Variants in NRXN3 observed in about 807,000 individuals in gnomAD.
NRXN3 encodes neurexin 3.
NRXN3 carries 32 observed loss-of-function variants against 137.6 expected under a neutral mutation model. That is an observed-to-expected ratio of 0.23 (90% CI 0.18 to 0.31). NRXN3 has a LOEUF of 0.31. NRXN3 is among the 10% of genes least tolerant of loss of function. The pLI is 1.00. For synonymous variants in NRXN3, 798 were observed against 784.5 expected (o/e 1.02, Z -0.29); for missense variants, 1,574 against 2,062.5 (o/e 0.76, Z 4.59).
chr14:78,768,616 TA>T (rs925118676), intron 8 of NRXN3, among the ~76,000 whole-genome samples: 3 of 152,188 alleles, frequency 2.0e-5, no homozygotes, highest in Non-Finnish European at 2.9e-5. Flanking sequence ...CATAAGTAGA[TA>T]AAAATATGTG....
chr14:79,518,152 G>C (rs142379739), intron 16 of NRXN3, among the ~76,000 whole-genome samples: 1 of 151,728 alleles, frequency 6.6e-6, no homozygotes, highest in African/African-American at 2.4e-5. Flanking sequence ...TGATCCACCC[G>C]CTTCAGCCTC....
intron 15 of NRXN3, among the ~76,000 whole-genome samples, chr14:79,194,057 T>C (rs1268420599): frequency 6.6e-6 from 1 of 152,226 alleles, no homozygotes; most frequent in African/African-American, 2.4e-5. Flanking sequence ...TTTAGTCTAA[T>C]GTAATTAGCG....
intron 4 of NRXN3, among the ~76,000 whole-genome samples, chr14:78,607,971 T>A (rs1342566884): frequency 1.3e-5 from 2 of 152,170 alleles, no homozygotes; most frequent in Admixed American, 1.3e-4. Context: ...CTTGAGAAGT[T>A]GGTTAGTGTG....
At position 78,968,349 on chromosome 14, in the gene NRXN3, A is replaced by AC; in HGVS notation, c.3142+4dup. On this transcript the variant is annotated splice_donor_region_variant and intron_variant, in intron 14 of 20. Coordinates refer to ENST00000335750, the MANE Select transcript of NRXN3 (RefSeq NM_001330195.2). The stretch of plus-strand genomic sequence containing the variant: ...ACAGATCGAGCGTGGCTGTGAAGGT[A>AC]CAACCTATTTTTTTCTTGTTAAGCT... The AC allele has an allele frequency of 6.2e-7, 1 of 1,612,010 alleles. No individual in the cohort carries two copies. The highest frequency in any genetic ancestry group is 8.5e-7 in the Non-Finnish European group (1 of 1,178,528).
intron 9 of NRXN3, among the ~76,000 whole-genome samples, chr14:78,807,240 G>A (rs1469113815): frequency 6.6e-6 from 1 of 152,192 alleles, no homozygotes; most frequent in African/African-American, 2.4e-5. Flanking sequence ...ATCCTTAGCA[G>A]AGTGCCAGGA....
chr14:79,044,750 C>A (rs1476817040), intron 15 of NRXN3, among the ~76,000 whole-genome samples: 1 of 151,840 alleles, frequency 6.6e-6, no homozygotes, highest in Non-Finnish European at 1.5e-5. Flanking sequence ...GTACAACCTG[C>A]ATCGTCTAAT....
chr14:78,926,586 T>A (rs551658463), intron 10 of NRXN3, among the ~76,000 whole-genome samples: 1 of 114,396 alleles, frequency 8.7e-6, no homozygotes, highest in East Asian at 2.2e-4. Flanking sequence ...AAAAATAAAA[T>A]AAAATACAAA....
At chr14:78,590,959 G>A (rs1180171534) in intron 4 of NRXN3, among the ~76,000 whole-genome samples, 1 of 152,112 alleles carries the variant, frequency 6.6e-6, no homozygotes, top group Non-Finnish European at 1.5e-5. Flanking sequence ...TTAACAACAG[G>A]AGATGGAACA....
intron 6 of NRXN3, among the ~76,000 whole-genome samples, chr14:78,653,113 T>C (rs2097759661): frequency 6.6e-6 from 1 of 152,210 alleles, no homozygotes; most frequent in African/African-American, 2.4e-5. Context: ...TGTATTGTTC[T>C]CAGCCTGTAG....
At chr14:79,355,252 C>T (rs12896073) in intron 15 of NRXN3, among the ~76,000 whole-genome samples, 59,119 of 144,214 alleles carry the variant, frequency 0.41, 12,813 homozygotes, top group Admixed American at 0.5. Context: ...CTTTTCTGTC[C>T]CCCACCCCCT....
At chr14:79,744,206 C>T (rs1180322748) in intron 19 of NRXN3, among the ~76,000 whole-genome samples, 3 of 152,078 alleles carry the variant, frequency 2.0e-5, no homozygotes, top group Non-Finnish European at 4.4e-5. Flanking sequence ...TTCAATATGT[C>T]GTGAACAAGG....
At chr14:78,984,965 C>G (rs924472435) in intron 14 of NRXN3, among the ~76,000 whole-genome samples, 3 of 152,184 alleles carry the variant, frequency 2.0e-5, no homozygotes, top group African/African-American at 4.8e-5. Flanking sequence ...AGTGACAATA[C>G]TGTTGTTCTT....
At chr14:79,408,541 G>T (rs1216983450) in intron 15 of NRXN3, among the ~76,000 whole-genome samples, 1 of 152,146 alleles carries the variant, frequency 6.6e-6, no homozygotes, top group African/African-American at 2.4e-5. Flanking sequence ...TTATTATTCT[G>T]TATCCCTCAT....
rs573935018 is a variant in NRXN3, at chr14:78,765,906, T to G, written c.2045-37714T>G. Among the ~76,000 whole-genome samples, 5 of 152,298 alleles carry G rather than the reference T, an allele frequency of 3.3e-5. No homozygotes were observed. In the South Asian group the frequency reaches 1.0e-3, roughly 32 times the overall value. On this transcript the variant is annotated intron_variant, in intron 8 of 20. Transcript: ENST00000335750. Reference sequence around the variant, plus strand: ...ATTTGCATTGCTAGTTGAGGTGTTCTTTGAGCTTCTCAGTGGTTATGACAA... The same window carrying G: ...ATTTGCATTGCTAGTTGAGGTGTTCGTTGAGCTTCTCAGTGGTTATGACAA...
At chr14:79,122,329 T>C (rs1165498223) in intron 15 of NRXN3, among the ~76,000 whole-genome samples, 5 of 152,164 alleles carry the variant, frequency 3.3e-5, no homozygotes, top group African/African-American at 1.2e-4. Context: ...GAAGCTTGGC[T>C]GAAAGAAACT....
At chr14:79,307,988 T>C (rs1192753629) in intron 15 of NRXN3, among the ~76,000 whole-genome samples, 3 of 152,028 alleles carry the variant, frequency 2.0e-5, no homozygotes, top group Non-Finnish European at 2.9e-5. Context: ...CTGTCTTTGG[T>C]TTATAAATGG....
chr14:78,582,952 AG>A lies in NRXN3; in HGVS notation c.758-62166del, dbSNP rs141746808. ...TACTAGAAAATTCCCAGGCGTACAC[AG>A]GTGTGTGTGTTTCACCCCTTTTTGC... is the stretch of plus-strand genomic sequence containing the variant. On this transcript the variant is annotated intron_variant, in intron 4 of 20. Transcript: ENST00000335750. 6.8e-3 allele frequency among the ~76,000 whole-genome samples: 1,036 copies of A among 152,288 alleles called. 8 individuals carry two copies. The highest frequency in any genetic ancestry group is 0.011 in the Non-Finnish European group (723 of 68,014).
chr14:78,426,311 G>A (rs1031976845), intron 4 of NRXN3, among the ~76,000 whole-genome samples: 2 of 152,136 alleles, frequency 1.3e-5, no homozygotes, highest in Non-Finnish European at 2.9e-5. Flanking sequence ...CTTCTTCCAG[G>A]GGCACGTGAG....
intron 4 of NRXN3, among the ~76,000 whole-genome samples, chr14:78,475,909 G>C (rs562835086): frequency 1.3e-5 from 2 of 152,178 alleles, no homozygotes; most frequent in South Asian, 4.2e-4. Context: ...AGATAATAAG[G>C]TATACCAAGT....
Sources: allele counts gnomAD v4.1 joint callset (sites outside exome capture counted in the v4.1 genomes callset), GRCh38; gene constraint gnomAD v4.1.1; transcripts MANE v1.5; gene names NCBI Gene and HGNC (gene_info 2026-07-23, HGNC 2026-07-21).